HIPK2: variants seen among roughly 807,000 people sequenced by gnomAD.
The protein encoded by HIPK2 is homeodomain interacting protein kinase 2, also known as homeodomain-interacting protein kinase 2.
In HIPK2, 27 loss-of-function variants were observed where a neutral mutation model predicts 113.7. The ratio of observed to expected loss-of-function variants is 0.24; its 90% CI spans 0.17 to 0.33. The LOEUF (loss-of-function observed/expected upper bound fraction) is 0.33, where lower values mean the gene tolerates loss of function less well. Ranked by LOEUF, HIPK2 falls within the 10% of genes least tolerant of loss-of-function variation. The pLI is 1.00. For missense variants in HIPK2, 1,257 were observed against 1,588.0 expected (o/e 0.79, Z 3.54); for synonymous variants, 631 against 642.2 (o/e 0.98, Z 0.26).
intron 2 of HIPK2, among the ~76,000 whole-genome samples, chr7:139,653,231 GC>G (rs1253882462): frequency 1.3e-5 from 2 of 151,524 alleles, no homozygotes; most frequent in African/African-American, 4.9e-5. Flanking sequence ...TGATACCAGA[GC>G]AGAAACAGCG....
At chr7:139,743,668 C>T (rs901842911) in intron 1 of HIPK2, among the ~76,000 whole-genome samples, 3 of 151,278 alleles carry the variant, frequency 2.0e-5, no homozygotes, top group Non-Finnish European at 4.4e-5. Flanking sequence ...CACCTATCCC[C>T]CTGCTGTTCC....
At chr7:139,620,633 G>GGAGAAAACAAAGGAAAGGA in intron 6 of HIPK2, 70 bp from the exon 7 acceptor site, 1 of 1,565,584 alleles carries the variant, frequency 6.4e-7, no homozygotes, top group Non-Finnish European at 8.7e-7. Context: ...GGGATGAAGG[G>GGAGAAAACAAAGGAAAGGA]GAGAAAACAA....
intron 2 of HIPK2, among the ~76,000 whole-genome samples, chr7:139,689,008 A>AT (rs1331909835): frequency 6.6e-6 from 1 of 152,378 alleles, no homozygotes; most frequent in East Asian, 1.9e-4. Context: ...AAACCTGAAT[A>AT]TTAACAAGGC....
At chr7:139,724,610 C>T (rs1795514409) in intron 1 of HIPK2, among the ~76,000 whole-genome samples, 2 of 151,580 alleles carry the variant, frequency 1.3e-5, no homozygotes, top group African/African-American at 4.9e-5. Flanking sequence ...ATACATGTGC[C>T]ATGCTGGTGT....
intron 2 of HIPK2, among the ~76,000 whole-genome samples, chr7:139,665,768 G>A (rs10246863): frequency 0.017 from 2,623 of 152,250 alleles, 91 homozygotes; most frequent in African/African-American, 0.06. Context: ...GGCACCCAGT[G>A]CCATCTGCCT....
At chr7:139,603,002 A>G (rs567670035) in intron 10 of HIPK2, among the ~76,000 whole-genome samples, 1 of 152,226 alleles carries the variant, frequency 6.6e-6, no homozygotes, top group East Asian at 1.9e-4. Context: ...TGGTGGCATG[A>G]GGGCGTTGCC....
intron 2 of HIPK2, among the ~76,000 whole-genome samples, chr7:139,648,236 C>T (rs1189197522): frequency 6.6e-6 from 1 of 152,222 alleles, no homozygotes; most frequent in Non-Finnish European, 1.5e-5. Flanking sequence ...ACCTGAGATT[C>T]AATTTTGAAT....
At chr7:139,712,553 T>C (rs1795102880) in intron 2 of HIPK2, among the ~76,000 whole-genome samples, 1 of 152,194 alleles carries the variant, frequency 6.6e-6, no homozygotes, top group African/African-American at 2.4e-5. Context: ...GCTGGGAGGC[T>C]GGATGCACAG....
chr7:139,761,413 T>C (rs188321287), intron 1 of HIPK2, among the ~76,000 whole-genome samples: 138 of 152,220 alleles, frequency 9.1e-4, no homozygotes, highest in African/African-American at 3.3e-3. Flanking sequence ...AGACCAGGGG[T>C]CAATCTCAGC....
intron 12 of HIPK2, among the ~76,000 whole-genome samples, chr7:139,587,488 CAA>C (rs1213368741): frequency 0.022 from 968 of 43,910 alleles, 3 homozygotes; most frequent in Non-Finnish European, 0.031. Context: ...GACTGTGTCT[CAA>C]AAAAAAAAAA....
chr7:139,680,119 G>A (rs768200516), intron 2 of HIPK2, among the ~76,000 whole-genome samples: 1 of 152,072 alleles, frequency 6.6e-6, no homozygotes, highest in East Asian at 1.9e-4. Context: ...TTCCCCTCCC[G>A]CAAATAATCA....
rs79736263 is a variant in HIPK2 at position 139,671,191 on chromosome 7, A to G, written c.1104-39466T>C. 1.1e-4 allele frequency among the ~76,000 whole-genome samples: 16 copies of G among 152,348 alleles called. No individual in the cohort carries two copies. In the East Asian group the frequency reaches 3.1e-3, roughly 29 times the overall value. On this transcript the variant is annotated intron_variant, in intron 2 of 14. Coordinates refer to ENST00000406875, the MANE Select transcript of HIPK2 (RefSeq NM_022740.5). ...GATCTGCTACAGAAAGAACATTAAG[A>G]TATTTTTATAATACTTGAAAACAAA...
intron 2 of HIPK2, among the ~76,000 whole-genome samples, chr7:139,666,891 G>A (rs975426596): frequency 2.6e-5 from 4 of 151,910 alleles, no homozygotes; most frequent in African/African-American, 4.8e-5. Flanking sequence ...GGCGAAACCC[G>A]TCTCTGCTGC....
chr7:139,653,695 G>T (rs550164847), intron 2 of HIPK2, among the ~76,000 whole-genome samples: 1 of 151,822 alleles, frequency 6.6e-6, no homozygotes, highest in Non-Finnish European at 1.5e-5. Context: ...TTCCAAAGGT[G>T]GGGGGAACAA....
rs777552589 is a variant in HIPK2, at chr7:139,572,974, C to T, written c.3550G>A (p.Gly1184Arg). Reference protein sequence around the residue: ...SASPASTVYTGYPLSPAKVNQ... With the variant: ...SASPASTVYTRYPLSPAKVNQ... ...ACCTTGGCGGGGCTCAGTGGGTATC[C>T]AGTGTAGACGGTGGAGGCTGGCGAG... The change falls in exon 15 of 15, where the codon GGA (glycine) becomes AGA (arginine). Residue 1184 changes from glycine to arginine, a missense_variant. Gly to Arg is a moderately radical substitution (Grantham distance 125). Transcript: ENST00000406875. 1 of 1,474,330 alleles carries T rather than the reference C, an allele frequency of 6.8e-7. No homozygotes were observed. Among genetic ancestry groups the T allele is most frequent in the South Asian group, 1.2e-5 (1 of 86,572 alleles). The allele number at this position is 1,474,330 out of a possible 1,614,324, so 91.3% of individuals were successfully genotyped here.
chr7:139,696,293 C>A (rs1794564383), intron 2 of HIPK2, among the ~76,000 whole-genome samples: 4 of 152,220 alleles, frequency 2.6e-5, no homozygotes, highest in Non-Finnish European at 1.5e-5. Flanking sequence ...GCAGTCTTGG[C>A]TGGGCAGGGT....
At chr7:139,720,513 G>A (rs984311760) in intron 1 of HIPK2, among the ~76,000 whole-genome samples, 7 of 152,096 alleles carry the variant, frequency 4.6e-5, no homozygotes, top group African/African-American at 1.4e-4. Flanking sequence ...TACTTCACCC[G>A]TTTCTTCCCA....
chr7:139,602,078 G>A (rs1009159402), intron 10 of HIPK2, among the ~76,000 whole-genome samples: 2 of 150,110 alleles, frequency 1.3e-5, no homozygotes, highest in African/African-American at 2.5e-5. Flanking sequence ...TCAGCCTCCC[G>A]AGTAGCTGGG....
At chr7:139,586,136 G>A (rs1798825740) in intron 12 of HIPK2, among the ~76,000 whole-genome samples, 3 of 152,184 alleles carry the variant, frequency 2.0e-5, no homozygotes, top group Non-Finnish European at 1.5e-5. Flanking sequence ...AGAAGAAGGT[G>A]AGGAATGAAT....
Sources: gnomAD v4.1 joint callset for allele counts (sites outside exome capture counted in the v4.1 genomes callset) on GRCh38, gnomAD v4.1.1 for gene constraint, MANE v1.5 for transcripts, NCBI Gene and HGNC (gene_info 2026-07-23, HGNC 2026-07-21) for gene names.